DIP2C: variants seen among roughly 807,000 people sequenced by gnomAD.
The protein encoded by DIP2C is DIP2 acetate--CoA ligase C (putative).
Under a neutral mutation model 192.4 loss-of-function variants are expected in DIP2C, and 33 were observed. That is an observed-to-expected ratio of 0.17 (90% CI 0.13 to 0.23). The LOEUF (loss-of-function observed/expected upper bound fraction) is 0.23, where lower values mean the gene tolerates loss of function less well. Ranked by LOEUF, DIP2C falls within the 10% of genes least tolerant of loss-of-function variation. The pLI is 1.00. For synonymous variants in DIP2C, 979 were observed against 864.1 expected (o/e 1.13, Z -2.33); for missense variants, 1,537 against 2,110.1 (o/e 0.73, Z 5.32).
At chr10:512,757 C>T (rs1846096716) in intron 1 of DIP2C, among the ~76,000 whole-genome samples, 1 of 151,644 alleles carries the variant, frequency 6.6e-6, no homozygotes, top group Non-Finnish European at 1.5e-5. Context: ...CTAATAAAAA[C>T]ACAAAAATTA....
chr10:451,525 T>C (rs1968847319), intron 3 of DIP2C, among the ~76,000 whole-genome samples: 2 of 152,268 alleles, frequency 1.3e-5, no homozygotes, highest in South Asian at 4.1e-4. Context: ...ATATTCTTTT[T>C]ACTTTCTCCT....
chr10:570,387 C>T (rs575549948), intron 1 of DIP2C, among the ~76,000 whole-genome samples: 1 of 152,324 alleles, frequency 6.6e-6, no homozygotes, highest in East Asian at 1.9e-4. Flanking sequence ...ACCCCCAACC[C>T]CACACTCCCT....
At chr10:594,634 C>T (rs1044881391) in intron 1 of DIP2C, among the ~76,000 whole-genome samples, 1 of 151,264 alleles carries the variant, frequency 6.6e-6, no homozygotes, top group Non-Finnish European at 1.5e-5. Context: ...AACTGGAGGG[C>T]ACGTGGTGCT....
chr10:650,076 C>G, intron 1 of DIP2C: 1 of 714,456 alleles, frequency 1.4e-6, no homozygotes, highest in Non-Finnish European at 2.6e-6. Context: ...AACCCAGTTC[C>G]AGGAGAGAAA....
chr10:560,134 T>C (rs976969527), intron 1 of DIP2C, among the ~76,000 whole-genome samples: 5 of 151,898 alleles, frequency 3.3e-5, no homozygotes, highest in Admixed American at 2.6e-4. Context: ...TTTTAGAAAC[T>C]GGGAGCTAGG....
chr10:384,248 C>A, intron 15 of DIP2C, 102 bp from the exon 16 acceptor site: 10 of 1,152,886 alleles, frequency 8.7e-6, no homozygotes, highest in South Asian at 1.4e-5. Flanking sequence ...TGAAGAATCA[C>A]TGGTCACCCA....
chr10:484,339 CCTTA>C (rs1273459341), intron 2 of DIP2C, among the ~76,000 whole-genome samples: 1 of 152,154 alleles, frequency 6.6e-6, no homozygotes, highest in Non-Finnish European at 1.5e-5. Flanking sequence ...TTTCAAAAAC[CCTTA>C]CTTTGCTCTT....
intron 17 of DIP2C, among the ~76,000 whole-genome samples, chr10:380,328 C>T (rs1183123243): frequency 2.6e-5 from 4 of 151,504 alleles, no homozygotes; most frequent in East Asian, 2.0e-4. Flanking sequence ...AGATGGTTAA[C>T]GTGCAGAAGA....
chr10:351,093 G>C (rs930677254), intron 24 of DIP2C, among the ~76,000 whole-genome samples: 1 of 152,180 alleles, frequency 6.6e-6, no homozygotes, highest in Non-Finnish European at 1.5e-5. Context: ...GATGGCTGTC[G>C]GGGACCAGAC....
In DIP2C at chr10:607,628, G is replaced by A. The variant is rs563639877; in HGVS notation, c.85+81866C>T. The stretch of plus-strand genomic sequence containing the variant: ...TGACATAATAGTTTCGACTTACAAC[G>A]GGTTCATCCAGAGGCAGCCCATCTC... On this transcript the variant is annotated intron_variant, in intron 1 of 36. Coordinates refer to ENST00000280886, the MANE Select transcript of DIP2C (RefSeq NM_014974.3). Among the ~76,000 whole-genome samples the A allele has an allele frequency of 1.3e-4, 20 of 152,180 alleles. No homozygotes were observed. In the South Asian group the frequency reaches 1.7e-3, roughly 13 times the overall value.
At chr10:297,023 A>G (rs1202446362) in intron 32 of DIP2C, among the ~76,000 whole-genome samples, 3 of 151,872 alleles carry the variant, frequency 2.0e-5, no homozygotes, top group Non-Finnish European at 2.9e-5. Flanking sequence ...TGTACCCTAG[A>G]ACTTAAAGTA....
At chr10:466,288 A>G (rs970081960) in intron 3 of DIP2C, among the ~76,000 whole-genome samples, 1 of 150,310 alleles carries the variant, frequency 6.7e-6, no homozygotes, top group African/African-American at 2.5e-5. Context: ...AGCAATGGGG[A>G]AAGGATTCCC....
chr10:325,879 G>A (rs540415109), intron 31 of DIP2C, among the ~76,000 whole-genome samples: 14 of 151,938 alleles, frequency 9.2e-5, no homozygotes, highest in African/African-American at 3.1e-4. Flanking sequence ...GGAACACCAC[G>A]TTTATGAAAA....
rs563916208 is a variant in DIP2C at position 472,758 on chromosome 10, G to A, written c.158-209C>T. Reference sequence around the variant, plus strand: ...GGGAGACCCCTCCTGGCTAGACGCCGCCACGGTCCCTTTCACAGCACAAAG... The same window carrying A: ...GGGAGACCCCTCCTGGCTAGACGCCACCACGGTCCCTTTCACAGCACAAAG... On this transcript the variant is annotated intron_variant, in intron 2 of 36. Transcript: ENST00000280886. 6.6e-5 allele frequency among the ~76,000 whole-genome samples: 10 copies of A among 152,262 alleles called. No homozygotes were observed. In the South Asian group the frequency reaches 8.3e-4, roughly 13 times the overall value.
At chr10:589,012 T>C (rs1851250578) in intron 1 of DIP2C, among the ~76,000 whole-genome samples, 2 of 152,152 alleles carry the variant, frequency 1.3e-5, no homozygotes, top group South Asian at 2.1e-4. Context: ...GCTGAAGACC[T>C]TCCATCAGCC....
intron 10 of DIP2C, among the ~76,000 whole-genome samples, chr10:396,153 G>A (rs1401714213): frequency 2.0e-5 from 3 of 152,224 alleles, no homozygotes; most frequent in African/African-American, 4.8e-5. Flanking sequence ...TGTTCAAAAC[G>A]TACGGTTTAT....
At chr10:397,745 C>A (rs1329238377) in intron 10 of DIP2C, among the ~76,000 whole-genome samples, 5 of 152,212 alleles carry the variant, frequency 3.3e-5, no homozygotes, top group African/African-American at 1.2e-4. Context: ...AAGAACAAAC[C>A]ATCCACATGG....
chr10:372,388 C>G (rs1961075590), intron 17 of DIP2C, among the ~76,000 whole-genome samples: 1 of 152,124 alleles, frequency 6.6e-6, no homozygotes, highest in Non-Finnish European at 1.5e-5. Context: ...ATCCTCTTTT[C>G]TATGTTTAAA....
chr10:472,729 G>A (rs764746229), intron 2 of DIP2C, among the ~76,000 whole-genome samples, 180 bp from the exon 3 acceptor site: 14 of 152,104 alleles, frequency 9.2e-5, no homozygotes, highest in African/African-American at 1.4e-4. Context: ...CTCTCCCACC[G>A]CCAGGGAGAC....
Sources: gnomAD v4.1 joint callset for allele counts (sites outside exome capture counted in the v4.1 genomes callset) on GRCh38, gnomAD v4.1.1 for gene constraint, MANE v1.5 for transcripts, NCBI Gene and HGNC (gene_info 2026-07-23, HGNC 2026-07-21) for gene names.